Variants in VEPH1 observed in about 807,000 individuals in gnomAD.
The protein encoded by VEPH1 is ventricular zone-expressed PH domain-containing protein homolog 1.
VEPH1 carries 80 observed loss-of-function variants against 85.2 expected under a neutral mutation model. That is an observed-to-expected ratio of 0.94 (90% CI 0.78 to 1.13). The LOEUF is 1.13. VEPH1 is among the 50% of genes most tolerant of loss of function. The probability of loss-of-function intolerance (pLI) is 0.00; values close to 1 mark genes in which losing one functional copy is unlikely to be tolerated. For synonymous variants in VEPH1, 297 were observed against 348.0 expected, an observed-to-expected ratio of 0.85 and a Z score of 1.63; for missense variants, 955 against 980.5, an observed-to-expected ratio of 0.97 and a Z score of 0.35.
At chr3:157,440,885 A>G (rs1734065464) in intron 4 of VEPH1, among the ~76,000 whole-genome samples, 2 of 152,272 alleles carry the variant, frequency 1.3e-5, no homozygotes, top group African/African-American at 4.8e-5. Context: ...ATGTTCTCCA[A>G]CCAGGCCCCT....
intron 6 of VEPH1, among the ~76,000 whole-genome samples, chr3:157,388,902 C>T (rs1391141564): frequency 6.6e-6 from 1 of 152,018 alleles, no homozygotes; most frequent in Admixed American, 6.6e-5. Flanking sequence ...TTTTGGTATC[C>T]ACGGGGGTTC....
At chr3:157,475,437 A>G in intron 2 of VEPH1, among the ~76,000 whole-genome samples, 1 of 152,220 alleles carries the variant, frequency 6.6e-6, no homozygotes, top group East Asian at 1.9e-4. Context: ...TGATAGATAC[A>G]TTTGGCCTTA....
intron 4 of VEPH1, among the ~76,000 whole-genome samples, chr3:157,450,731 T>A (rs995456163): frequency 6.6e-6 from 1 of 152,142 alleles, no homozygotes; most frequent in Non-Finnish European, 1.5e-5. Context: ...AATCACATGA[T>A]GTTTTTCCTC....
chr3:157,433,319 T>C (rs1022049212), intron 4 of VEPH1, among the ~76,000 whole-genome samples: 4 of 152,182 alleles, frequency 2.6e-5, no homozygotes, highest in African/African-American at 9.7e-5. Context: ...TTCAAAAGTA[T>C]GTTTCCAAGG....
At chr3:157,479,405 G>C (rs1254571271) in intron 2 of VEPH1, among the ~76,000 whole-genome samples, 1 of 152,110 alleles carries the variant, frequency 6.6e-6, no homozygotes, top group African/African-American at 2.4e-5. Flanking sequence ...TGTTTATCAG[G>C]ATGGTTCACT....
intron 9 of VEPH1, among the ~76,000 whole-genome samples, chr3:157,338,778 G>A (rs1338212995): frequency 3.9e-5 from 6 of 152,184 alleles, no homozygotes; most frequent in African/African-American, 1.4e-4. Flanking sequence ...CAGAAAGATT[G>A]TGATTCAGTC....
At chr3:157,486,167 A>G in intron 2 of VEPH1, among the ~76,000 whole-genome samples, 1 of 152,184 alleles carries the variant, frequency 6.6e-6, no homozygotes, top group Non-Finnish European at 1.5e-5. Context: ...ATAATTAGAG[A>G]ATACACATTC....
At chr3:157,272,139 T>C (rs1036668078) in intron 12 of VEPH1, among the ~76,000 whole-genome samples, 1 of 152,110 alleles carries the variant, frequency 6.6e-6, no homozygotes, top group Non-Finnish European at 1.5e-5. Context: ...ATGGAAACTC[T>C]TGCAAAATCG....
chr3:157,385,614 G>C (rs764712149), intron 6 of VEPH1, among the ~76,000 whole-genome samples: 2 of 152,100 alleles, frequency 1.3e-5, no homozygotes, highest in Non-Finnish European at 1.5e-5. Flanking sequence ...CTTGTTAATA[G>C]ATGACATCTA....
chr3:157,490,364 G>A (rs1739115709), intron 2 of VEPH1, among the ~76,000 whole-genome samples: 1 of 150,446 alleles, frequency 6.6e-6, no homozygotes, highest in South Asian at 2.1e-4. Flanking sequence ...ACTAATACAA[G>A]AATATACAAA....
At chr3:157,496,652 G>T (rs965815392) in intron 1 of VEPH1, among the ~76,000 whole-genome samples, 3 of 152,202 alleles carry the variant, frequency 2.0e-5, no homozygotes, top group Admixed American at 2.0e-4. Context: ...AGAATCTATT[G>T]TTTCCTTGGG....
At chr3:157,262,223 A>C (rs1030686068) in intron 13 of VEPH1, among the ~76,000 whole-genome samples, 2 of 152,094 alleles carry the variant, frequency 1.3e-5, no homozygotes, top group African/African-American at 4.8e-5. Context: ...AATTCCAACT[A>C]TTGACATCAG....
At chr3:157,413,845 A>C in intron 6 of VEPH1, 36 bp downstream of exon 6, 4 of 1,602,194 alleles carry the variant, frequency 2.5e-6, no homozygotes, top group Non-Finnish European at 3.4e-6. Flanking sequence ...GTGCCAGTGC[A>C]ATTCAGGGGA....
At chr3:157,428,585 T>A in intron 4 of VEPH1, 97 bp from the exon 5 acceptor site, 1 of 1,184,116 alleles carries the variant, frequency 8.4e-7, no homozygotes, top group Non-Finnish European at 1.2e-6. Flanking sequence ...ACTTACACAT[T>A]AAATAGCACA....
intron 5 of VEPH1, among the ~76,000 whole-genome samples, chr3:157,414,554 C>A (rs1577598350): frequency 6.6e-6 from 1 of 152,110 alleles, no homozygotes; most frequent in East Asian, 1.9e-4. Context: ...CAGAAAAGAT[C>A]TCCCACATTT....
At chr3:157,435,121 T>C (rs1733453156) in intron 4 of VEPH1, among the ~76,000 whole-genome samples, 1 of 152,256 alleles carries the variant, frequency 6.6e-6, no homozygotes, top group East Asian at 1.9e-4. Context: ...AAAAATCACC[T>C]AGCCTTTTTC....
At chr3:157,467,693 C>T (rs147487933) in intron 3 of VEPH1, among the ~76,000 whole-genome samples, 2 of 152,296 alleles carry the variant, frequency 1.3e-5, no homozygotes, top group East Asian at 1.9e-4. Flanking sequence ...TGGCTTCTGC[C>T]TCCTTCTGAG....
rs534965212 is a variant in VEPH1 at position 157,383,737 on chromosome 3, G to A, written c.907-2361C>T. Among the ~76,000 whole-genome samples the A allele has an allele frequency of 6.4e-4, 97 of 152,302 alleles. 1 individual carries two copies. Among genetic ancestry groups the A allele is most frequent in the Admixed American group, 6.3e-3 (97 of 15,304 alleles). On this transcript the variant is annotated intron_variant, in intron 6 of 13. Coordinates refer to ENST00000362010, the MANE Select transcript of VEPH1 (RefSeq NM_001167912.2). The stretch of plus-strand genomic sequence containing the variant: ...TTCATGAGCTGGACAGCTAGTTGAA[G>A]CTAAAGACATCTATTCATCAAAGAA...
chr3:157,353,492 C>T (rs1283760494), intron 9 of VEPH1, among the ~76,000 whole-genome samples: 1 of 152,074 alleles, frequency 6.6e-6, no homozygotes, highest in Non-Finnish European at 1.5e-5. Context: ...TTCTTGAAGT[C>T]CTGAGCTCAG....
Sources: allele counts gnomAD v4.1 joint callset (sites outside exome capture counted in the v4.1 genomes callset), GRCh38; gene constraint gnomAD v4.1.1; transcripts MANE v1.5; gene names NCBI Gene and HGNC (gene_info 2026-07-23, HGNC 2026-07-21).